SIX4: variants seen among roughly 807,000 people sequenced by gnomAD.
The protein encoded by SIX4 is homeobox protein SIX4.
Under a neutral mutation model 51.5 loss-of-function variants are expected in SIX4, and 23 were observed. That is an observed-to-expected ratio of 0.45 (90% CI 0.32 to 0.63). The LOEUF (loss-of-function observed/expected upper bound fraction) is 0.63, where lower values mean the gene tolerates loss of function less well. Among genes scored for constraint, SIX4 ranks in the 30% least tolerant of loss-of-function variants. SIX4 has a pLI of 0.04. For missense variants in SIX4, 867 were observed against 984.0 expected, an observed-to-expected ratio of 0.88 and a Z score of 1.59; for synonymous variants, 413 against 417.3, an observed-to-expected ratio of 0.99 and a Z score of 0.13.
At position 60,713,539 on chromosome 14, in the gene SIX4, CATT is replaced by C. The variant is rs1202881998; in HGVS notation, c.2211_2213del (p.Met739del). 2 of 1,614,212 alleles carry C rather than the reference CATT, an allele frequency of 1.2e-6. No homozygotes were observed. The highest frequency in any genetic ancestry group is 4.5e-5 in the East Asian group (2 of 44,886). ...CATACTTGGATTTAGAGTCCAGCATCATTAAGCTACTTGTTGCTTTGCTCTCAG... is the reference window on the plus strand; with the variant it reads ...CATACTTGGATTTAGAGTCCAGCATCAAGCTACTTGTTGCTTTGCTCTCAG... On this transcript the variant is annotated inframe_deletion, in exon 3 of 3. Transcript: ENST00000216513.
At position 60,717,904 on chromosome 14, in the gene SIX4, AG is replaced by A; in HGVS notation, c.1549+1855del. 1 of 169,108 alleles carries A rather than the reference AG, an allele frequency of 5.9e-6. No individual in the cohort carries two copies. Among genetic ancestry groups the A allele is most frequent in the South Asian group, 1.3e-4 (1 of 7,694 alleles). The allele number at this position is 169,108 out of a possible 1,614,324, so 10.5% of individuals were successfully genotyped here. ...ATGCACGCCTGTAGTCCCAGCTACT[AG>A]GGAGGCTGAGGCAGGATAATCACTT... On this transcript the variant is annotated intron_variant, in intron 2 of 2. Coordinates refer to ENST00000216513, the MANE Select transcript of SIX4 (RefSeq NM_017420.5). This position sits in a 1 kb window ranked among gnomAD's most constrained non-coding sequence, Gnocchi z 4.6.
chr14:60,716,541 G>A (rs1053368788), intron 2 of SIX4, among the ~76,000 whole-genome samples: 4 of 151,922 alleles, frequency 2.6e-5, no homozygotes, highest in Admixed American at 6.6e-5. Flanking sequence ...ATGAGCCACC[G>A]CGCCTGGCCA....
At chr14:60,716,684 C>T (rs1288818485) in intron 2 of SIX4, among the ~76,000 whole-genome samples, 2 of 152,132 alleles carry the variant, frequency 1.3e-5, no homozygotes, top group African/African-American at 4.8e-5. Flanking sequence ...CCACATCTGG[C>T]CTCAGTAAAC....
intron 2 of SIX4, among the ~76,000 whole-genome samples, chr14:60,716,909 A>G (rs1895930138): frequency 1.3e-5 from 2 of 152,208 alleles, no homozygotes; most frequent in African/African-American, 2.4e-5. Flanking sequence ...ACATTTAACT[A>G]GAAAGTTTAA....
intron 2 of SIX4, among the ~76,000 whole-genome samples, chr14:60,716,685 C>T (rs1027388039): frequency 2.6e-5 from 4 of 152,160 alleles, no homozygotes; most frequent in African/African-American, 9.7e-5. Flanking sequence ...CACATCTGGC[C>T]TCAGTAAACT....
In SIX4 at chr14:60,713,608, CA is replaced by C. The variant is rs1566736885; in HGVS notation, c.2144del (p.Leu715ArgfsTer4). 4 of 1,614,202 alleles carry C rather than the reference CA, an allele frequency of 2.5e-6. No homozygotes were observed. In the East Asian group the frequency reaches 8.9e-5, roughly 36 times the overall value. ...TCTCTTTCATGTTAGCTACCGATTGCAGAACCAAACGATGTTCTTGGACAAA... is the reference window on the plus strand; with the variant it reads ...TCTCTTTCATGTTAGCTACCGATTGCGAACCAAACGATGTTCTTGGACAAA... ...QDFVQEHRLV[L>X]QSVANMKENF... On this transcript the variant is annotated frameshift_variant, in exon 3 of 3. Coordinates refer to ENST00000216513, the MANE Select transcript of SIX4 (RefSeq NM_017420.5). LOFTEE classifies it high-confidence loss of function.
In SIX4 at chr14:60,719,822, A is replaced by G; in HGVS notation, c.1487T>C (p.Leu496Pro). 2.5e-6 allele frequency: 4 copies of G among 1,614,228 alleles called. No homozygotes were observed. Among genetic ancestry groups the G allele is most frequent in the Non-Finnish European group, 3.4e-6 (4 of 1,180,034 alleles). Residue 496 changes from leucine to proline, a missense_variant, in exon 2 of 3, where the codon CTT becomes CCT. Physicochemically the swap from Leu to Pro is moderately conservative, Grantham distance 98. Coordinates refer to ENST00000216513, the MANE Select transcript of SIX4 (RefSeq NM_017420.5). This position sits in a 1 kb window ranked among gnomAD's most constrained non-coding sequence, Gnocchi z 4.9. ...IPNSGANSQFLNGSIGFSPLQ... is the reference protein window; with the variant it reads ...IPNSGANSQFPNGSIGFSPLQ... ...TGGAGAGAATCCAATGCTCCCATTAAGGAACTGGCTGTTTGCTCCGGAATT... is the reference window on the plus strand; with the variant it reads ...TGGAGAGAATCCAATGCTCCCATTAGGGAACTGGCTGTTTGCTCCGGAATT...
At position 60,724,332 on chromosome 14, in the gene SIX4, G is replaced by C; in HGVS notation, c.-258C>G. The C allele has an allele frequency of 6.8e-7, 1 of 1,473,800 alleles. No homozygotes were observed. The highest frequency in any genetic ancestry group is 1.2e-5 in the South Asian group (1 of 82,614). The allele number at this position is 1,473,800 out of a possible 1,614,324, so 91.3% of individuals were successfully genotyped here. ...CCGTTCCCCCAACGTGACTCCTCCG[G>C]TTGCTGCATACTATATGGCAGTGGC... On this transcript the variant is annotated 5_prime_UTR_variant, in exon 1 of 3. Coordinates refer to ENST00000216513, the MANE Select transcript of SIX4 (RefSeq NM_017420.5).
At position 60,723,457 on chromosome 14, in the gene SIX4, G is replaced by A. The variant is rs766793399; in HGVS notation, c.618C>T (p.Asp206=). The change falls in exon 1 of 3, where the codon GAC becomes GAT. Residue 206 remains aspartate (D), a synonymous_variant. Transcript: ENST00000216513. ...RARGRPLGAV[D]KYRLRRKFPL... ...GGAATTTCCTGCGCAGCCGGTACTTGTCTACGGCTCCCAGCGGCCGGCCGC... is the reference window on the plus strand; with the variant it reads ...GGAATTTCCTGCGCAGCCGGTACTTATCTACGGCTCCCAGCGGCCGGCCGC... 7.5e-6 allele frequency: 12 copies of A among 1,609,032 alleles called. No homozygotes were observed. The Admixed American group carries it at 2.0e-4, about 27-fold the overall frequency.
chr14:60,723,798 T>C lies in SIX4; in HGVS notation c.277A>G (p.Arg93Gly). 6.5e-7 allele frequency: 1 copy of C among 1,537,154 alleles called. No individual in the cohort carries two copies. Among genetic ancestry groups the C allele is most frequent in the Non-Finnish European group, 8.7e-7 (1 of 1,147,818 alleles). Residue 93 changes from arginine to glycine, a missense_variant, in exon 1 of 3, where the codon AGG (arginine) becomes GGG (glycine). Coordinates refer to ENST00000216513, the MANE Select transcript of SIX4 (RefSeq NM_017420.5). ...GCGGCGGCGGCGGCGTGGTGGTGCC[T>C]GCCCAGAAGTTCCGAGTGGAGTTGT... ...QVQLHSELLG[R>G]HHHAAAAAAQ...
In SIX4 at chr14:60,710,141, G is replaced by A. The variant is rs1343435448; in HGVS notation, c.*3266C>T. On this transcript the variant is annotated 3_prime_UTR_variant, in exon 3 of 3. Transcript: ENST00000216513. ...CTATGTACTAAAGCACACTTGTCTA[G>A]CATGTAGCAGGGCAGGCTGCCACAC... The A allele has an allele frequency of 1.3e-5, 2 of 152,552 alleles. No individual in the cohort carries two copies. Among genetic ancestry groups the A allele is most frequent in the Non-Finnish European group, 2.9e-5 (2 of 68,026 alleles). 9.4% of individuals were successfully genotyped at this position (152,552 alleles called of 1,614,324 possible).
In SIX4 at chr14:60,711,608, A is replaced by AC. The variant is rs1413866362; in HGVS notation, c.*1798dup. ...AGACCATCCTGGCTAACACGGTGAA[A>AC]CCCCGTCTCTACTAAAAATACAAAA... is the stretch of plus-strand genomic sequence containing the variant. On this transcript the variant is annotated 3_prime_UTR_variant, in exon 3 of 3. Transcript: ENST00000216513. 1 of 152,038 alleles carries AC rather than the reference A, an allele frequency of 6.6e-6. No individual in the cohort carries two copies. Among genetic ancestry groups the AC allele is most frequent in the Non-Finnish European group, 1.5e-5 (1 of 68,066 alleles). 9.4% of individuals were successfully genotyped at this position (152,038 alleles called of 1,614,324 possible). A position where few individuals can be genotyped will look rare whatever the true frequency, so the allele number is the denominator to read the frequency against.
At chr14:60,716,857 T>C (rs528818488) in intron 2 of SIX4, among the ~76,000 whole-genome samples, 2 of 152,352 alleles carry the variant, frequency 1.3e-5, no homozygotes, top group East Asian at 3.9e-4. Context: ...CAAAGGAATG[T>C]CTTCAAGTAA....
At chr14:60,714,952 C>T (rs1174913262) in intron 2 of SIX4, among the ~76,000 whole-genome samples, 2 of 144,602 alleles carry the variant, frequency 1.4e-5, no homozygotes, top group Non-Finnish European at 3.0e-5. Context: ...GCGTGAGCCA[C>T]AGCACCCGGG....
rs779864159 is a variant in SIX4 at position 60,723,671 on chromosome 14, G to A, written c.404C>T (p.Ser135Phe). 1.1e-5 allele frequency: 17 copies of A among 1,582,458 alleles called. No homozygotes were observed. Among genetic ancestry groups the A allele is most frequent in the Non-Finnish European group, 2.6e-6 (3 of 1,165,804 alleles). ...NLDRLARFLW[S>F]LPQSDLLRGN... is the part of the protein sequence containing the mutation. ...ACGTAGCAGGTCGCTCTGGGGCAGG[G>A]ACCACAGGAACCGGGCCAGGCGGTC... The change falls in exon 1 of 3, where the codon TCC (serine) becomes TTC (phenylalanine). Residue 135 changes from serine (S) to phenylalanine (F), a missense_variant. Physicochemically the swap from Ser to Phe is radical, Grantham distance 155. Coordinates refer to ENST00000216513, the MANE Select transcript of SIX4 (RefSeq NM_017420.5).
At position 60,720,687 on chromosome 14, in the gene SIX4, AG is replaced by A. The variant is rs1016574225; in HGVS notation, c.864-243del. ...TTAAAATAACAATAAATTCAGGGAA[AG>A]TCCAGACATCTGCAAGATGTAAATT... On this transcript the variant is annotated intron_variant, in intron 1 of 2. Transcript: ENST00000216513. The surrounding 1 kb of genome is among the most constrained non-coding windows in gnomAD (Gnocchi z 5.5). Among the ~76,000 whole-genome samples, 1 of 152,272 alleles carries A rather than the reference AG, an allele frequency of 6.6e-6. No homozygotes were observed. Among genetic ancestry groups the A allele is most frequent in the African/African-American group, 2.4e-5 (1 of 41,478 alleles).
rs1262173241 is a variant in SIX4 at position 60,723,895 on chromosome 14, G to A, written c.180C>T (p.Thr60=). 2 of 1,523,740 alleles carry A rather than the reference G, an allele frequency of 1.3e-6. No homozygotes were observed. Among genetic ancestry groups the A allele is most frequent in the South Asian group, 1.3e-5 (1 of 77,700 alleles). The allele number at this position is 1,523,740 out of a possible 1,614,324, so 94.4% of individuals were successfully genotyped here. ...CCTCTCCGCTCACCCTGGCGGCAGC[G>A]GTCGCGGCGTCCCCCGGCTCCAGGG... The part of the protein sequence containing the change: ...PFPLEPGDAA[T]AAARVSGEEG... Residue 60 remains threonine (T), a synonymous_variant, in exon 1 of 3, where the codon ACC becomes ACT. Transcript: ENST00000216513.
rs1896088319 is a variant in SIX4, at chr14:60,723,926, G to C, written c.149C>G (p.Pro50Arg). The C allele has an allele frequency of 3.3e-6, 5 of 1,513,842 alleles. No individual in the cohort carries two copies. Among genetic ancestry groups the C allele is most frequent in the Non-Finnish European group, 4.4e-6 (5 of 1,142,892 alleles). The allele number at this position is 1,513,842 out of a possible 1,614,324, so 93.8% of individuals were successfully genotyped here. A position where few individuals can be genotyped will look rare whatever the true frequency, so the allele number is the denominator to read the frequency against. ...GGCGTCCCCCGGCTCCAGGGGAAAA[G>C]GGGCTGGAGCCGGGGGGCTCAGCCC... ...AVGLSPPAPA[P>R]FPLEPGDAAT... The change falls in exon 1 of 3, where the codon CCT becomes CGT. Residue 50 changes from proline (P) to arginine (R), a missense_variant. Pro to Arg is a moderately radical substitution (Grantham distance 103, BLOSUM62 -2). Coordinates refer to ENST00000216513, the MANE Select transcript of SIX4 (RefSeq NM_017420.5).
chr14:60,723,005 G>T, intron 1 of SIX4: 1 of 1,117,164 alleles, frequency 9.0e-7, no homozygotes, highest in Non-Finnish European at 1.2e-6. Context: ...AGAGGGGGAG[G>T]GTAAGGAGGG....
Sources: gnomAD v4.1 joint callset for allele counts (sites outside exome capture counted in the v4.1 genomes callset) on GRCh38, gnomAD v4.1.1 for gene constraint, Gnocchi (gnomAD v3.1) non-coding constraint, MANE v1.5 for transcripts, NCBI Gene and HGNC (gene_info 2026-07-23, HGNC 2026-07-21) for gene names.